AFDN: variants seen among roughly 807,000 people sequenced by gnomAD.
AFDN encodes afadin.
A neutral mutation model predicts 216.6 loss-of-function variants in AFDN; 68 were observed. The observed-to-expected ratio is 0.31, with a 90% confidence interval of 0.26 to 0.38. The LOEUF is 0.38. AFDN is among the 10% of genes least tolerant of loss of function. The pLI is 1.00. For synonymous variants in AFDN, 868 were observed against 853.7 expected (o/e 1.02, Z -0.29); for missense variants, 2,136 against 2,342.0 (o/e 0.91, Z 1.82).
chr6:167,946,898 G>A lies in AFDN; in HGVS notation c.3550G>A (p.Ala1184Thr), dbSNP rs752954744. The A allele has an allele frequency of 4.5e-5, 72 of 1,606,612 alleles. No homozygotes were observed. Among genetic ancestry groups the A allele is most frequent in the Non-Finnish European group, 6.0e-5 (71 of 1,178,250 alleles). ...RADHRSSPNV[A>T]NQPPSPGGKS... ...TGATCACCGTTCCAGCCCCAACGTAGCAAGTAAGAGTGACACTTTTTTGCT... is the reference window on the plus strand; with the variant it reads ...TGATCACCGTTCCAGCCCCAACGTAACAAGTAAGAGTGACACTTTTTTGCT... Residue 1184 changes from alanine to threonine, a missense_variant, in exon 27 of 34, where the codon GCA becomes ACA. Around this residue, in one of 8 missense-constraint regions of AFDN, gnomAD observed 981 missense variants for 966.0 expected, o/e 1.02. Coordinates refer to ENST00000683244, the MANE Select transcript of AFDN (RefSeq NM_001386888.1).
In AFDN at chr6:167,918,723, T is replaced by G; in HGVS notation, c.2710-12T>G. 2 of 1,613,920 alleles carry G rather than the reference T, an allele frequency of 1.2e-6. No homozygotes were observed. Among genetic ancestry groups the G allele is most frequent in the Non-Finnish European group, 1.7e-6 (2 of 1,179,986 alleles). On this transcript the variant is annotated splice_polypyrimidine_tract_variant and intron_variant, in intron 20 of 33. Coordinates refer to ENST00000683244, the MANE Select transcript of AFDN (RefSeq NM_001386888.1). ...GCATCTCTTTTTAATTTTGCGTTTG[T>G]TTTCCAAACAGGATCTTATAGAAAA...
chr6:167,827,145 G>A lies in AFDN; in HGVS notation c.13G>A (p.Gly5Ser). MSAG[G>S]RDEERRKLAD... ...CGCGGCCAGGACCATGTCGGCGGGC[G>A]GCCGTGACGAGGAGCGGCGGAAGCT... is the stretch of plus-strand genomic sequence containing the variant. The change falls in exon 1 of 34, where the codon GGC (glycine) becomes AGC (serine). Residue 5 changes from glycine (G) to serine (S), a missense_variant. Physicochemically the swap from Gly to Ser is moderately conservative, Grantham distance 56. Coordinates refer to ENST00000683244, the MANE Select transcript of AFDN (RefSeq NM_001386888.1). 2 of 1,290,640 alleles carry A rather than the reference G, an allele frequency of 1.5e-6. No homozygotes were observed. Among genetic ancestry groups the A allele is most frequent in the Non-Finnish European group, 1.0e-6 (1 of 990,638 alleles). 79.9% of individuals were successfully genotyped at this position (1,290,640 alleles called of 1,614,324 possible).
At chr6:167,835,674 G>A (rs1207679929) in intron 1 of AFDN, among the ~76,000 whole-genome samples, 1 of 152,186 alleles carries the variant, frequency 6.6e-6, no homozygotes, top group African/African-American at 2.4e-5. Context: ...CCTTGATTTG[G>A]TGCTAAGGTG....
At chr6:167,926,169 A>G (rs971498320) in intron 23 of AFDN, among the ~76,000 whole-genome samples, 4 of 152,234 alleles carry the variant, frequency 2.6e-5, no homozygotes, top group African/African-American at 9.6e-5. Context: ...TGCCATTCCC[A>G]TTGCTAGAGA....
intron 17 of AFDN, 101 bp downstream of exon 17, chr6:167,914,414 G>C: frequency 1.4e-6 from 2 of 1,409,690 alleles, no homozygotes; most frequent in Non-Finnish European, 1.9e-6. Flanking sequence ...TATTTACCTT[G>C]ATTGAAGGTG....
At chr6:167,897,634 CTG>C (rs1788426137) in intron 10 of AFDN, among the ~76,000 whole-genome samples, 1 of 133,474 alleles carries the variant, frequency 7.5e-6, no homozygotes, top group Non-Finnish European at 1.5e-5. Flanking sequence ...GTTAAGATGA[CTG>C]TATGCCTTTT....
At chr6:167,826,732 C>A, upstream of AFDN, 2 of 390,082 alleles carry the variant, frequency 5.1e-6, no homozygotes, top group Non-Finnish European at 1.0e-5. Flanking sequence ...AACCCTAGCA[C>A]CGCGCGGGGC....
chr6:167,922,457 T>A (rs1464891605), intron 21 of AFDN, among the ~76,000 whole-genome samples: 1 of 152,212 alleles, frequency 6.6e-6, no homozygotes, highest in Non-Finnish European at 1.5e-5. Context: ...CCCATGCTCG[T>A]ATTGTTTTCT....
At chr6:167,934,684 A>G (rs987956754) in intron 23 of AFDN, among the ~76,000 whole-genome samples, 1 of 151,864 alleles carries the variant, frequency 6.6e-6, no homozygotes, top group South Asian at 2.1e-4. Context: ...TTTGGCCAGC[A>G]TATCTTTCTT....
chr6:167,954,619 G>T (rs1796318901), intron 30 of AFDN: 3 of 651,796 alleles, frequency 4.6e-6, no homozygotes, highest in South Asian at 2.6e-5. Context: ...TCAGGAGATG[G>T]AGTCCCTGAC....
chr6:167,871,764 A>G (rs1050710935), intron 3 of AFDN, among the ~76,000 whole-genome samples: 6 of 152,340 alleles, frequency 3.9e-5, no homozygotes, highest in Admixed American at 1.3e-4. Flanking sequence ...CAATTCCTTT[A>G]AAGTTAAAAA....
chr6:167,931,112 T>G (rs1464455076), intron 23 of AFDN, among the ~76,000 whole-genome samples: 3 of 152,188 alleles, frequency 2.0e-5, no homozygotes, highest in Non-Finnish European at 4.4e-5. Context: ...TATTGAAAGG[T>G]TGACAGTTTC....
chr6:167,841,912 C>T (rs917622043), intron 1 of AFDN, among the ~76,000 whole-genome samples: 1 of 152,032 alleles, frequency 6.6e-6, no homozygotes, highest in Non-Finnish European at 1.5e-5. Context: ...TACTTCCCTT[C>T]CTCTCTGTCC....
At chr6:167,838,414 T>G (rs1247908481) in intron 1 of AFDN, among the ~76,000 whole-genome samples, 2 of 152,226 alleles carry the variant, frequency 1.3e-5, no homozygotes, top group Non-Finnish European at 2.9e-5. Flanking sequence ...AGCCCTTCCC[T>G]GGTCTGTGCT....
intron 1 of AFDN, among the ~76,000 whole-genome samples, chr6:167,842,644 G>A (rs1781201667): frequency 6.6e-6 from 1 of 152,062 alleles, no homozygotes; most frequent in Non-Finnish European, 1.5e-5. Flanking sequence ...CCTCCACTAG[G>A]ATGTATTATT....
intron 1 of AFDN, among the ~76,000 whole-genome samples, chr6:167,847,786 T>C (rs1781863257): frequency 6.6e-6 from 1 of 152,226 alleles, no homozygotes; most frequent in Admixed American, 6.5e-5. Flanking sequence ...TTTGCCCCCT[T>C]ACAGTCTGTT....
intron 13 of AFDN, among the ~76,000 whole-genome samples, chr6:167,909,700 A>G (rs571745621): frequency 6.6e-6 from 1 of 152,290 alleles, no homozygotes; most frequent in African/African-American, 2.4e-5. Context: ...TATTTGAGTA[A>G]GTATTAGTCT....
chr6:167,859,521 C>CCT (rs1783296359), intron 1 of AFDN, among the ~76,000 whole-genome samples: 1 of 152,166 alleles, frequency 6.6e-6, no homozygotes, highest in South Asian at 2.1e-4. Flanking sequence ...TGGGTTTCGT[C>CCT]TAAGTGCTAA....
intron 30 of AFDN, among the ~76,000 whole-genome samples, chr6:167,961,408 G>A (rs963273763): frequency 3.3e-5 from 5 of 152,198 alleles, no homozygotes; most frequent in African/African-American, 1.2e-4. Context: ...GTGTATCCAA[G>A]ACCAAAAGGG....
Sources: gnomAD v4.1 joint callset for allele counts (sites outside exome capture counted in the v4.1 genomes callset) on GRCh38, gnomAD v4.1.1 for gene constraint, gnomAD v4.1.1 regional missense constraint, MANE v1.5 for transcripts, NCBI Gene and HGNC (gene_info 2026-07-23, HGNC 2026-07-21) for gene names.